Variants in DCAF12 observed in about 807,000 individuals in gnomAD.
DCAF12 encodes DDB1 and CUL4 associated factor 12, also known as DDB1- and CUL4-associated factor 12.
DCAF12 carries 28 observed loss-of-function variants against 52.8 expected under a neutral mutation model. That is an observed-to-expected ratio of 0.53 (90% confidence interval 0.39 to 0.73). The LOEUF is 0.73. Among genes scored for constraint, DCAF12 ranks in the 30% least tolerant of loss-of-function variants. The pLI is 0.00. For missense variants in DCAF12, 425 were observed against 552.2 expected, an observed-to-expected ratio of 0.77 and a Z score of 2.31; for synonymous variants, 196 against 215.5, an observed-to-expected ratio of 0.91 and a Z score of 0.79.
chr9:34,107,021 A>G (rs1190601524), intron 3 of DCAF12, among the ~76,000 whole-genome samples: 1 of 152,184 alleles, frequency 6.6e-6, no homozygotes, highest in African/African-American at 2.4e-5. Context: ...TGTAGGCTTC[A>G]AGAGGACAGG....
At chr9:34,108,812 A>AAAT (rs1554700901) in intron 2 of DCAF12, among the ~76,000 whole-genome samples, 2 of 139,314 alleles carry the variant, frequency 1.4e-5, no homozygotes, top group South Asian at 2.3e-4. Context: ...TAAATAAATA[A>AAAT]ATATATATAT....
intron 5 of DCAF12, among the ~76,000 whole-genome samples, chr9:34,097,930 T>A (rs1828761664): frequency 1.5e-5 from 2 of 133,688 alleles, no homozygotes. Context: ...CAAAACACAG[T>A]CTCAAAAAGA....
chr9:34,096,192 C>A (rs1828731927), intron 6 of DCAF12: 1 of 151,802 alleles, frequency 6.6e-6, no homozygotes, highest in Non-Finnish European at 1.5e-5. Context: ...TCTGTCTCTA[C>A]AAAAAATTAA....
chr9:34,126,237 C>T, intron 1 of DCAF12, 117 bp downstream of exon 1: 2 of 1,298,170 alleles, frequency 1.5e-6, no homozygotes. Flanking sequence ...GAACCCATTC[C>T]TGTTTTGCCT....
chr9:34,102,412 C>T (rs1487108841), intron 4 of DCAF12, among the ~76,000 whole-genome samples: 4 of 152,130 alleles, frequency 2.6e-5, no homozygotes, highest in African/African-American at 9.7e-5. Context: ...CCTGTAACCC[C>T]AGAACTTTGG....
Position 34,088,373 on chromosome 9 carries a change from T to C in DCAF12, c.1339A>G (p.Asn447Asp). ...CATTAACTCCAGAGCCCAGCATAGTTTCCATGGAGCCCTGAAGGGAGGGGA... is the reference window on the plus strand; with the variant it reads ...CATTAACTCCAGAGCCCAGCATAGTCTCCATGGAGCCCTGAAGGGAGGGGA... ...GGPLPSGLHG[N>D]YAGLWS The change falls in exon 9 of 9, where the codon AAC becomes GAC. Residue 447 changes from asparagine to aspartate, a missense_variant. Asn to Asp is a conservative substitution (Grantham distance 23). Transcript: ENST00000361264. The C allele has an allele frequency of 1.2e-6, 2 of 1,605,578 alleles. No individual in the cohort carries two copies. Among genetic ancestry groups the C allele is most frequent in the Non-Finnish European group, 1.7e-6 (2 of 1,176,164 alleles).
Position 34,126,395 on chromosome 9 carries a change from G to C in DCAF12, c.37C>G (p.Pro13Ala). ...RKVVSRKRKA[P>A]ASPGAGSDAQ... The stretch of plus-strand genomic sequence containing the variant: ...TCGCTCCCAGCTCCCGGCGAGGCGG[G>C]CGCTTTCCGCTTCCTGCTAACTACT... Residue 13 changes from proline to alanine, a missense_variant, in exon 1 of 9, where the codon CCC (proline) becomes GCC (alanine). Physicochemically the swap from Pro to Ala is conservative, Grantham distance 27 (BLOSUM62 -1). Transcript: ENST00000361264. The C allele has an allele frequency of 6.2e-7, 1 of 1,610,642 alleles. No homozygotes were observed. The highest frequency in any genetic ancestry group is 8.5e-7 in the Non-Finnish European group (1 of 1,179,738).
chr9:34,098,294 C>T (rs776176441), intron 5 of DCAF12, 30 bp downstream of exon 5: 2 of 1,601,398 alleles, frequency 1.2e-6, no homozygotes, highest in Non-Finnish European at 1.7e-6. Context: ...AAGAGGAATA[C>T]ACGTCAGGGA....
rs1300396530 is a variant in DCAF12 at position 34,087,447 on chromosome 9, G to A, written c.*903C>T. 1 of 152,318 alleles carries A rather than the reference G, an allele frequency of 6.6e-6. No homozygotes were observed. The highest frequency in any genetic ancestry group is 1.5e-5 in the Non-Finnish European group (1 of 68,124). The allele number at this position is 152,318 out of a possible 1,614,324, so 9.4% of individuals were successfully genotyped here. A position where few individuals can be genotyped will look rare whatever the true frequency, so the allele number is the denominator to read the frequency against. Reference sequence around the variant, plus strand: ...CCAGATCAGGTCTTGAGGGGAAGGAGAGAGAAGCTAGGATGGGGATTCAAG... The same window carrying A: ...CCAGATCAGGTCTTGAGGGGAAGGAAAGAGAAGCTAGGATGGGGATTCAAG... On this transcript the variant is annotated 3_prime_UTR_variant, in exon 9 of 9. Coordinates refer to ENST00000361264, the MANE Select transcript of DCAF12 (RefSeq NM_015397.4).
At chr9:34,114,809 T>TA (rs1330752021) in intron 2 of DCAF12, among the ~76,000 whole-genome samples, 4 of 151,508 alleles carry the variant, frequency 2.6e-5, no homozygotes, top group Non-Finnish European at 2.9e-5. Context: ...AAAGATGGCT[T>TA]AAAAAAAAGG....
At chr9:34,097,103 A>G (rs1828747404) in intron 5 of DCAF12, among the ~76,000 whole-genome samples, 1 of 152,112 alleles carries the variant, frequency 6.6e-6, no homozygotes, top group African/African-American at 2.4e-5. Context: ...GAGAATTTCT[A>G]TAAGTGAAGA....
chr9:34,116,213 C>T (rs548178697), intron 2 of DCAF12, among the ~76,000 whole-genome samples: 2 of 151,826 alleles, frequency 1.3e-5, no homozygotes, highest in African/African-American at 2.4e-5. Flanking sequence ...AAAAATTAGC[C>T]GGGCATGGTG....
intron 7 of DCAF12, 130 bp from the exon 8 acceptor site, chr9:34,089,720 C>CA (rs1828615289): frequency 1.2e-6 from 1 of 851,622 alleles, no homozygotes; most frequent in African/African-American, 1.7e-5. Context: ...CACAAAGTAT[C>CA]AGACAGTGTT....
At chr9:34,117,022 G>T (rs535221005) in intron 2 of DCAF12, among the ~76,000 whole-genome samples, 14 of 152,294 alleles carry the variant, frequency 9.2e-5, no homozygotes, top group African/African-American at 3.4e-4. Flanking sequence ...GCTATGCCAA[G>T]ATCTTAGACA....
rs1197390861 is a variant in DCAF12, at chr9:34,086,927, G to C, written c.*1423C>G. On this transcript the variant is annotated 3_prime_UTR_variant, in exon 9 of 9. Coordinates refer to ENST00000361264, the MANE Select transcript of DCAF12 (RefSeq NM_015397.4). The stretch of plus-strand genomic sequence containing the variant: ...CTTTCCCCAAAATGGGATGTTGACA[G>C]AAAAGCAGAGTATGTGCTTAGAGGA... 6.6e-6 allele frequency: 1 copy of C among 152,206 alleles called. No individual in the cohort carries two copies. Among genetic ancestry groups the C allele is most frequent in the African/African-American group, 2.4e-5 (1 of 41,460 alleles). 9.4% of individuals were successfully genotyped at this position (152,206 alleles called of 1,614,324 possible).
chr9:34,112,142 CAAA>C (rs796997762), intron 2 of DCAF12, among the ~76,000 whole-genome samples: 2 of 115,976 alleles, frequency 1.7e-5, no homozygotes, highest in Admixed American at 9.1e-5. Context: ...GACTCCAACT[CAAA>C]AAAAAAAAAA....
At chr9:34,122,777 G>A (rs987395581) in intron 2 of DCAF12, among the ~76,000 whole-genome samples, 8 of 152,100 alleles carry the variant, frequency 5.3e-5, no homozygotes, top group African/African-American at 1.9e-4. Context: ...CTTGCCCTGC[G>A]AAAGAAAATC....
intron 3 of DCAF12, 96 bp from the exon 4 acceptor site, chr9:34,106,590 C>T (rs1445320750): frequency 1.9e-6 from 2 of 1,032,906 alleles, no homozygotes; most frequent in Admixed American, 2.2e-5. Context: ...ACAAGTCAGA[C>T]TGAAAATATT....
intron 6 of DCAF12, among the ~76,000 whole-genome samples, chr9:34,095,372 CTTTTTTTTT>C (rs36066422): frequency 0.29 from 23,027 of 78,178 alleles, 2,567 homozygotes; most frequent in Middle Eastern, 0.46. Flanking sequence ...CGCGCCAGGC[CTTTTTTTTT>C]TTTTTTTTTT....
Sources: allele counts gnomAD v4.1 joint callset (sites outside exome capture counted in the v4.1 genomes callset), GRCh38; gene constraint gnomAD v4.1.1; transcripts MANE v1.5; gene names NCBI Gene and HGNC (gene_info 2026-07-23, HGNC 2026-07-21).